PDE3A: variants seen among roughly 807,000 people sequenced by gnomAD.
The protein encoded by PDE3A is phosphodiesterase 3A, also known as cGMP-inhibited 3',5'-cyclic phosphodiesterase 3A.
Under a neutral mutation model 98.3 loss-of-function variants are expected in PDE3A, and 43 were observed. The ratio of observed to expected loss-of-function variants is 0.44; its 90% CI spans 0.34 to 0.56. PDE3A has a LOEUF of 0.56. Among genes scored for constraint, PDE3A ranks in the 20% least tolerant of loss-of-function variants. The pLI, the probability that PDE3A is intolerant of heterozygous loss-of-function variation, is 0.01. For synonymous variants in PDE3A, 663 were observed against 567.9 expected, an observed-to-expected ratio of 1.17 and a Z score of -2.38; for missense variants, 1,427 against 1,440.7, an observed-to-expected ratio of 0.99 and a Z score of 0.15.
At chr12:20,631,878 T>C (rs1341973588) in intron 6 of PDE3A, among the ~76,000 whole-genome samples, 2 of 152,164 alleles carry the variant, frequency 1.3e-5, no homozygotes, top group Non-Finnish European at 2.9e-5. Flanking sequence ...GGTTTTATTA[T>C]TGCCTTAAAG....
At chr12:20,592,681 A>T (rs1943368903) in intron 2 of PDE3A, among the ~76,000 whole-genome samples, 1 of 151,704 alleles carries the variant, frequency 6.6e-6, no homozygotes, top group Non-Finnish European at 1.5e-5. Flanking sequence ...TTTCTTCAGT[A>T]CTCCTTTATG....
chr12:20,555,539 G>A (rs990738092), intron 1 of PDE3A, among the ~76,000 whole-genome samples: 2 of 152,030 alleles, frequency 1.3e-5, no homozygotes, highest in Non-Finnish European at 2.9e-5. Flanking sequence ...GCGTTGTATC[G>A]CTACACTTAT....
At chr12:20,549,363 G>A (rs1011726971) in intron 1 of PDE3A, among the ~76,000 whole-genome samples, 9 of 145,982 alleles carry the variant, frequency 6.2e-5, no homozygotes, top group Non-Finnish European at 1.3e-4. Context: ...CTGACACTAT[G>A]CAGTCCCTAC....
At chr12:20,673,137 A>G (rs1436415500) in intron 15 of PDE3A, among the ~76,000 whole-genome samples, 1 of 152,216 alleles carries the variant, frequency 6.6e-6, no homozygotes, top group Non-Finnish European at 1.5e-5. Context: ...ATGCAAATCA[A>G]AACCACAATG....
At chr12:20,404,781 A>G (rs1944200083) in intron 1 of PDE3A, among the ~76,000 whole-genome samples, 1 of 149,200 alleles carries the variant, frequency 6.7e-6, no homozygotes. Context: ...GCTATTGGCC[A>G]CGTGCCAGGG....
chr12:20,662,264 A>G (rs1405294387), intron 15 of PDE3A, among the ~76,000 whole-genome samples: 2 of 152,154 alleles, frequency 1.3e-5, no homozygotes, highest in Non-Finnish European at 2.9e-5. Flanking sequence ...GTTGAATGGC[A>G]CTGACCAAAA....
intron 5 of PDE3A, among the ~76,000 whole-genome samples, chr12:20,628,740 C>T (rs1944318247): frequency 6.6e-6 from 1 of 152,016 alleles, no homozygotes; most frequent in Admixed American, 6.6e-5. Flanking sequence ...ACAACAACAA[C>T]GACAAAAAGA....
At chr12:20,431,347 A>AT (rs1392443965) in intron 1 of PDE3A, among the ~76,000 whole-genome samples, 1 of 152,166 alleles carries the variant, frequency 6.6e-6, no homozygotes, top group Non-Finnish European at 1.5e-5. Flanking sequence ...TTGTTCGGCC[A>AT]TGTATGTTCA....
At chr12:20,549,631 T>A (rs1199463086) in intron 1 of PDE3A, among the ~76,000 whole-genome samples, 1 of 152,112 alleles carries the variant, frequency 6.6e-6, no homozygotes, top group Non-Finnish European at 1.5e-5. Flanking sequence ...AGGATGTAGA[T>A]TTCTGTAACA....
chr12:20,617,380 C>T (rs966791343), intron 4 of PDE3A, among the ~76,000 whole-genome samples: 1 of 152,082 alleles, frequency 6.6e-6, no homozygotes, highest in African/African-American at 2.4e-5. Context: ...GAAACAAACT[C>T]AAATGTCATT....
chr12:20,627,411 C>T (rs1944289493), intron 5 of PDE3A, among the ~76,000 whole-genome samples: 1 of 142,424 alleles, frequency 7.0e-6, no homozygotes, highest in Non-Finnish European at 1.5e-5. Flanking sequence ...GTTCCCTGCC[C>T]CTCTTTTTGC....
chr12:20,381,646 A>G (rs1010966637), intron 1 of PDE3A, among the ~76,000 whole-genome samples: 2 of 151,840 alleles, frequency 1.3e-5, no homozygotes, highest in Non-Finnish European at 1.5e-5. Context: ...AGTTTCCAAG[A>G]CATTGATTCT....
chr12:20,421,720 A>G (rs1291422152), intron 1 of PDE3A, among the ~76,000 whole-genome samples: 1 of 152,166 alleles, frequency 6.6e-6, no homozygotes, highest in Non-Finnish European at 1.5e-5. Context: ...TGGCCGGGCC[A>G]GAGCACTCTG....
rs903758255 is a variant in PDE3A at position 20,552,554 on chromosome 12, C to G, written c.961-4106C>G. The G allele has an allele frequency of 1.2e-6, 2 of 1,613,542 alleles. No individual in the cohort carries two copies. The highest frequency in any genetic ancestry group is 1.7e-6 in the Non-Finnish European group (2 of 1,179,780). ...GAGGGGGGCTTCGCGTCCCCCAGGA[C>G]GGGCAAGGGCAAGTGGAAGCGGAAG... On this transcript the variant is annotated intron_variant, in intron 1 of 15. Transcript: ENST00000359062. This position sits in a 1 kb window ranked among gnomAD's most constrained non-coding sequence, Gnocchi z 5.1.
At chr12:20,601,160 G>A (rs1031560295) in intron 2 of PDE3A, among the ~76,000 whole-genome samples, 8 of 152,170 alleles carry the variant, frequency 5.3e-5, no homozygotes, top group East Asian at 1.9e-4. Flanking sequence ...CTATTGCAAC[G>A]AGGATCTATG....
intron 15 of PDE3A, among the ~76,000 whole-genome samples, chr12:20,659,283 TC>T (rs1945107082): frequency 6.6e-6 from 1 of 152,168 alleles, no homozygotes; most frequent in Non-Finnish European, 1.5e-5. Flanking sequence ...TCCTTTTTAT[TC>T]ACTGTGTTTT....
intron 1 of PDE3A, among the ~76,000 whole-genome samples, chr12:20,492,924 C>CA (rs1195754961): frequency 1.3e-5 from 2 of 151,904 alleles, no homozygotes; most frequent in Non-Finnish European, 2.9e-5. Context: ...GACTTACAAG[C>CA]AAAAAGCAAA....
rs1943393980 is a variant in PDE3A, at chr12:20,368,724, G to T, written c.-561G>T. ...GCCGTGCCGGGGAGAATCGGCCGAG[G>T]AGAAAGAAAGAGTGATAGAAAAAGA... On this transcript the variant is annotated 5_prime_UTR_variant, in exon 1 of 16. It introduces an in-frame stop codon into an upstream open reading frame of the 5' UTR. Coordinates refer to ENST00000359062, the MANE Select transcript of PDE3A (RefSeq NM_000921.5). Among the ~76,000 whole-genome samples the T allele has an allele frequency of 6.6e-6, 1 of 151,984 alleles. No individual in the cohort carries two copies. Among genetic ancestry groups the T allele is most frequent in the Admixed American group, 6.5e-5 (1 of 15,274 alleles).
rs917524763 is a variant in PDE3A, at chr12:20,688,429, T to G, written c.*8158T>G. 2.6e-5 allele frequency among the ~76,000 whole-genome samples: 4 copies of G among 151,728 alleles called. No homozygotes were observed. The South Asian group carries it at 8.3e-4, about 31-fold the overall frequency. ...AGATACTATGTTGATGCTCCCTTTTTGCCAGAATTACTGGAAGTGCCTCTT... is the reference window on the plus strand; with the variant it reads ...AGATACTATGTTGATGCTCCCTTTTGGCCAGAATTACTGGAAGTGCCTCTT... On this transcript the variant is annotated 3_prime_UTR_variant, in exon 16 of 16. Coordinates refer to ENST00000359062, the MANE Select transcript of PDE3A (RefSeq NM_000921.5).
Sources: gnomAD v4.1 joint callset for allele counts (sites outside exome capture counted in the v4.1 genomes callset) on GRCh38, gnomAD v4.1.1 for gene constraint, Gnocchi (gnomAD v3.1) non-coding constraint, MANE v1.5 for transcripts, NCBI Gene and HGNC (gene_info 2026-07-23, HGNC 2026-07-21) for gene names.